The following ZNF529 variants were observed in gnomAD, a reference collection of about 807,000 sequenced individuals.
ZNF529 encodes the protein zinc finger protein 529.
In ZNF529, 11 loss-of-function variants were observed where a neutral mutation model predicts 10.1. The ratio of observed to expected loss-of-function variants is 1.09; its 90% CI spans 0.69 to 1.81. The LOEUF (loss-of-function observed/expected upper bound fraction) is 1.81, where lower values mean the gene tolerates loss of function less well. Among genes scored for constraint, ZNF529 ranks in the 40% most tolerant of loss-of-function variants. The pLI is 0.00. For missense variants in ZNF529, 624 were observed against 666.8 expected, an observed-to-expected ratio of 0.94 and a Z score of 0.71; for synonymous variants, 204 against 215.7, an observed-to-expected ratio of 0.95 and a Z score of 0.47.
At chr19:36,550,943 T>C (rs2035235369) in intron 4 of ZNF529, among the ~76,000 whole-genome samples, 1 of 152,148 alleles carries the variant, frequency 6.6e-6, no homozygotes, top group Non-Finnish European at 1.5e-5. Context: ...TGAGATAAAA[T>C]GTTCACTCAC....
chr19:36,581,000 A>C (rs1057329921), intron 2 of ZNF529: 1 of 152,194 alleles, frequency 6.6e-6, no homozygotes, highest in African/African-American at 2.4e-5. Flanking sequence ...TGGTATCCAC[A>C]AGGTGTCCTG....
intron 1 of ZNF529, among the ~76,000 whole-genome samples, chr19:36,603,029 C>A (rs1449490623): frequency 6.6e-6 from 1 of 151,964 alleles, no homozygotes; most frequent in Non-Finnish European, 1.5e-5. Context: ...GGAAAAACTT[C>A]CTGCCCTTCT....
intron 2 of ZNF529, among the ~76,000 whole-genome samples, chr19:36,585,302 A>G (rs1815642562): frequency 6.6e-6 from 1 of 152,332 alleles, no homozygotes; most frequent in South Asian, 2.1e-4. Flanking sequence ...GACGTTTGAT[A>G]GAGAAATGAG....
chr19:36,549,754 G>A (rs948926421), intron 4 of ZNF529, among the ~76,000 whole-genome samples: 7 of 152,024 alleles, frequency 4.6e-5, no homozygotes, highest in East Asian at 1.9e-4. Context: ...CATTTACTCC[G>A]CCGTCCTCCT....
At chr19:36,580,734 A>G (rs1481471297) in intron 2 of ZNF529, 5 of 152,248 alleles carry the variant, frequency 3.3e-5, no homozygotes, top group Admixed American at 6.5e-5. Flanking sequence ...TAGGCAAGAA[A>G]TTCAGTAGTA....
rs559158988 is a variant in ZNF529 at position 36,572,718 on chromosome 19, T to TTATC, written c.-46-330_-46-327dup. 3.9e-3 allele frequency among the ~76,000 whole-genome samples: 584 copies of TTATC among 151,138 alleles called. 5 individuals are homozygous for TTATC. Among genetic ancestry groups the TTATC allele is most frequent in the East Asian group, 0.025 (131 of 5,162 alleles). ...TCCCAGGAAACTTCATTTATCTATC[T>TTATC]TATCTATCTATCTATCTATCTATCT... On this transcript the variant is annotated intron_variant, in intron 1 of 4. Coordinates refer to ENST00000591340, the MANE Select transcript of ZNF529 (RefSeq NM_020951.5).
chr19:36,575,081 G>C (rs1467870078), upstream of ZNF529, among the ~76,000 whole-genome samples: 1 of 152,228 alleles, frequency 6.6e-6, no homozygotes, highest in Non-Finnish European at 1.5e-5. Flanking sequence ...CCATAGGATT[G>C]TGGCTTTGTG....
intron 2 of ZNF529, among the ~76,000 whole-genome samples, chr19:36,588,829 G>C (rs1475728700): frequency 1.3e-5 from 2 of 152,008 alleles, no homozygotes; most frequent in Non-Finnish European, 2.9e-5. Context: ...CTCTTCAACT[G>C]TATCCTTTGT....
intron 1 of ZNF529, among the ~76,000 whole-genome samples, chr19:36,593,354 G>C (rs1007050171): frequency 6.6e-6 from 1 of 152,050 alleles, no homozygotes; most frequent in African/African-American, 2.4e-5. Context: ...TTTTTATAGA[G>C]ATGGAGTTTC....
At chr19:36,578,291 CTTTTTTTTTTTT>C (rs1159725232), upstream of ZNF529, among the ~76,000 whole-genome samples, 93 of 31,804 alleles carry the variant, frequency 2.9e-3, 1 homozygote, top group African/African-American at 0.01. Flanking sequence ...GTCTTGATCT[CTTTTTTTTTTTT>C]TTTTTTTTTT....
intron 2 of ZNF529, among the ~76,000 whole-genome samples, chr19:36,584,112 G>A (rs1240232232): frequency 6.6e-6 from 1 of 151,864 alleles, no homozygotes; most frequent in African/African-American, 2.4e-5. Flanking sequence ...AAGAAGGAAG[G>A]GAGGGAAGGA....
upstream of ZNF529, among the ~76,000 whole-genome samples, chr19:36,576,694 G>A (rs2145226243): frequency 6.6e-6 from 1 of 151,852 alleles, no homozygotes; most frequent in Non-Finnish European, 1.5e-5. Context: ...TCCATCCTGG[G>A]CTACAAAGCA....
chr19:36,546,044 ATT>A lies in ZNF529; in HGVS notation c.*820_*821del, dbSNP rs2034997352. The A allele has an allele frequency of 2.8e-5, 3 of 107,820 alleles. No homozygotes were observed. The highest frequency in any genetic ancestry group is 7.2e-5 in the African/African-American group (2 of 27,860). 6.7% of individuals were successfully genotyped at this position (107,820 alleles called of 1,614,324 possible). On this transcript the variant is annotated 3_prime_UTR_variant, in exon 5 of 5. Coordinates refer to ENST00000591340, the MANE Select transcript of ZNF529 (RefSeq NM_020951.5). ...TAGTGTATATACTATATATACATAT[ATT>A]GTGTGTGTGTGTGTGTATATATATA...
chr19:36,549,662 C>T (rs1346957095), intron 4 of ZNF529, among the ~76,000 whole-genome samples: 1 of 152,164 alleles, frequency 6.6e-6, no homozygotes, highest in East Asian at 1.9e-4. Flanking sequence ...CTTATTCCCT[C>T]TTATGCAGAG....
chr19:36,576,958 CTTTTT>C (rs759716467), upstream of ZNF529, among the ~76,000 whole-genome samples: 1 of 136,038 alleles, frequency 7.4e-6, no homozygotes, highest in African/African-American at 2.7e-5. Flanking sequence ...TTTCTTTTTT[CTTTTT>C]TTTTTTTTTT....
In ZNF529 at chr19:36,546,644, C is replaced by A; in HGVS notation, c.*222G>T. The A allele has an allele frequency of 9.3e-6, 4 of 431,262 alleles. No homozygotes were observed. The highest frequency in any genetic ancestry group is 7.4e-5 in the South Asian group (1 of 13,436). The allele number at this position is 431,262 out of a possible 1,614,324, so 26.7% of individuals were successfully genotyped here. A position where few individuals can be genotyped will look rare whatever the true frequency, so the allele number is the denominator to read the frequency against. ...CAGGATGAGAAACTCATGAAAAAAACTTTTTAACATAAAAAGGAGAAATAT... is the reference window on the plus strand; with the variant it reads ...CAGGATGAGAAACTCATGAAAAAAAATTTTTAACATAAAAAGGAGAAATAT... On this transcript the variant is annotated 3_prime_UTR_variant, in exon 5 of 5. Transcript: ENST00000591340.
chr19:36,576,988 T>C (rs2036336723), upstream of ZNF529, among the ~76,000 whole-genome samples: 1 of 151,190 alleles, frequency 6.6e-6, no homozygotes, highest in South Asian at 2.1e-4. Context: ...ACAGGGTCTT[T>C]GTCACCCAGG....
At chr19:36,588,982 A>G (rs2967424) in intron 2 of ZNF529, among the ~76,000 whole-genome samples, 53,569 of 148,798 alleles carry the variant, frequency 0.36, 10,352 homozygotes, top group African/African-American at 0.52. Context: ...ACGCTCTGTC[A>G]CCCAGGCTGG....
intron 2 of ZNF529, among the ~76,000 whole-genome samples, chr19:36,586,240 C>A (rs2036576509): frequency 6.6e-6 from 1 of 152,168 alleles, no homozygotes; most frequent in South Asian, 2.1e-4. Context: ...AAAAAGGAAT[C>A]TTTAAAAAAT....
Sources: gnomAD v4.1 joint callset for allele counts (sites outside exome capture counted in the v4.1 genomes callset) on GRCh38, gnomAD v4.1.1 for gene constraint, MANE v1.5 for transcripts, NCBI Gene and HGNC (gene_info 2026-07-23, HGNC 2026-07-21) for gene names.